The following TJP3 variants were observed in gnomAD, a reference collection of about 807,000 sequenced individuals.
TJP3 encodes tight junction protein ZO-3.
In TJP3, 85 loss-of-function variants were observed where a neutral mutation model predicts 104.2. The ratio of observed to expected loss-of-function variants is 0.82; its 90% CI spans 0.68 to 0.98. The LOEUF is 0.98. TJP3 is among the 50% of genes least tolerant of loss of function. TJP3 has a pLI of 0.00. For missense variants in TJP3, 1,367 were observed against 1,322.8 expected, an observed-to-expected ratio of 1.03 and a Z score of -0.52; for synonymous variants, 550 against 550.6, an observed-to-expected ratio of 1.00 and a Z score of 0.02.
chr19:3,730,455 T>A lies in TJP3; in HGVS notation c.362T>A (p.Val121Glu). Residue 121 changes from valine (V) to glutamate (E), a missense_variant, in exon 5 of 21, where the codon GTG becomes GAG. Transcript: ENST00000541714. The surrounding 1 kb of genome is among the most constrained non-coding windows in gnomAD (Gnocchi z 7.3). ...GATGAAGACGATGGGCCCCAGCGGG[T>A]GGAGGAGGTGGACCAGGGCCGGGGC... ...DSDEDDGPQR[V>E]EEVDQGRGYD... 6.3e-7 allele frequency: 1 copy of A among 1,584,476 alleles called. No homozygotes were observed. The highest frequency in any genetic ancestry group is 8.6e-7 in the Non-Finnish European group (1 of 1,166,192).
At chr19:3,717,164 C>A (rs1192449899) in intron 1 of TJP3, among the ~76,000 whole-genome samples, 2 of 146,242 alleles carry the variant, frequency 1.4e-5, no homozygotes, top group Non-Finnish European at 3.1e-5. Context: ...GAGGTTTCTC[C>A]ATGTTGGTCA....
At chr19:3,743,595 G>A in intron 14 of TJP3, 1 of 213,268 alleles carries the variant, frequency 4.7e-6, no homozygotes, top group South Asian at 1.1e-4. Context: ...TGGCCCTCAG[G>A]TTGTAGTCTG....
chr19:3,747,644 C>G, intron 18 of TJP3, 150 bp from the exon 19 acceptor site: 1 of 968,634 alleles, frequency 1.0e-6, no homozygotes, highest in Non-Finnish European at 1.5e-6. Flanking sequence ...TACAACCCAT[C>G]CTGGAGTCAA....
At position 3,748,041 on chromosome 19, in the gene TJP3, C is replaced by G; in HGVS notation, c.2570C>G (p.Pro857Arg). ...GTGCAGGCAGATGAGTCCCAGAGCC[C>G]GAGGGATCGTGGGAGAATCTCGGCT... The part of the protein sequence containing the change: ...EPVQADESQS[P>R]RDRGRISAHQ... The change falls in exon 19 of 21, where the codon CCG becomes CGG. Residue 857 changes from proline to arginine, a missense_variant. Physicochemically the swap from Pro to Arg is moderately radical, Grantham distance 103. Coordinates refer to ENST00000541714, the MANE Select transcript of TJP3 (RefSeq NM_001267560.2). 1 of 1,593,152 alleles carries G rather than the reference C, an allele frequency of 6.3e-7. No homozygotes were observed.
At chr19:3,748,209 T>C (rs2036933205) in intron 19 of TJP3, 128 bp downstream of exon 19, 6 of 1,247,600 alleles carry the variant, frequency 4.8e-6, no homozygotes, top group Non-Finnish European at 6.5e-6. Context: ...GTCAGACTGG[T>C]TTCTGGGACT....
In TJP3 at chr19:3,716,619, C is replaced by G. The variant is rs1355364612; in HGVS notation, c.-10+8058C>G. On this transcript the variant is annotated intron_variant, in intron 1 of 20. Transcript: ENST00000541714. ...GCCCCATTCACTGCTAGGACTTTAA[C>G]CCACTTATTTCTTTATTTATTTTTG... is the stretch of plus-strand genomic sequence containing the variant. Among the ~76,000 whole-genome samples the G allele has an allele frequency of 3.4e-5, 5 of 145,886 alleles. 1 individual carries two copies. The highest frequency in any genetic ancestry group is 6.1e-5 in the Non-Finnish European group (4 of 65,126).
At chr19:3,737,966 T>C (rs1322382408) in intron 11 of TJP3, among the ~76,000 whole-genome samples, 1 of 151,132 alleles carries the variant, frequency 6.6e-6, no homozygotes, top group Admixed American at 6.6e-5. Context: ...TGTATATTGC[T>C]GTCCATGTCA....
intron 18 of TJP3, among the ~76,000 whole-genome samples, chr19:3,747,135 G>A (rs1473421942): frequency 3.3e-5 from 5 of 151,972 alleles, no homozygotes; most frequent in African/African-American, 4.8e-5. Flanking sequence ...ATCTCAGCTT[G>A]CTGCAACCTC....
At chr19:3,734,862 G>A (rs2036718747) in intron 8 of TJP3, among the ~76,000 whole-genome samples, 1 of 152,184 alleles carries the variant, frequency 6.6e-6, no homozygotes, top group East Asian at 1.9e-4. Context: ...GCTGAGGCAG[G>A]AGAATCACTT....
In TJP3 at chr19:3,730,056, G is replaced by A. The variant is rs754775001; in HGVS notation, c.187G>A (p.Gly63Arg). 9.9e-6 allele frequency: 16 copies of A among 1,614,040 alleles called. No homozygotes were observed. In the South Asian group the frequency reaches 1.1e-4, roughly 11 times the overall value. ...QTGDHIVMVN[G>R]VSMENATSAF... ...AGGCGACCACATCGTCATGGTGAAC[G>A]GGGTTTCCATGGAGAATGCCACCTC... Residue 63 changes from glycine (G) to arginine (R), a missense_variant, in exon 4 of 21, where the codon GGG becomes AGG. Physicochemically the swap from Gly to Arg is moderately radical, Grantham distance 125. Coordinates refer to ENST00000541714, the MANE Select transcript of TJP3 (RefSeq NM_001267560.2). The surrounding 1 kb of genome is among the most constrained non-coding windows in gnomAD (Gnocchi z 7.3).
At chr19:3,745,193 T>C (rs1436672640) in intron 15 of TJP3, among the ~76,000 whole-genome samples, 1 of 130,746 alleles carries the variant, frequency 7.6e-6, no homozygotes, top group Non-Finnish European at 1.6e-5. Flanking sequence ...TTGCCCAGGC[T>C]GGAGTACAGT....
rs999443562 is a variant in TJP3 at position 3,738,690 on chromosome 19, C to G, written c.1393+27C>G. 2.5e-6 allele frequency: 4 copies of G among 1,592,948 alleles called. No individual in the cohort carries two copies. In the African/African-American group the frequency reaches 5.4e-5, roughly 21 times the overall value. On this transcript the variant is annotated intron_variant, in intron 12 of 20. Transcript: ENST00000541714. ...TGAGTGCGCGTGGATATGGGTGTGC[C>G]TGTGTGTTGCGGGGGGAGGACCTGG...
At position 3,746,914 on chromosome 19, in the gene TJP3, C is replaced by T; in HGVS notation, c.2322+38C>T. On this transcript the variant is annotated intron_variant, in intron 18 of 20. Transcript: ENST00000541714. The surrounding 1 kb of genome is among the most constrained non-coding windows in gnomAD (Gnocchi z 4.1). ...TGTGGGTGGGTCGGGCAGGGAGGCC[C>T]CACAGACGCTGTGCAGGCCCAGCTG... 1 of 1,547,332 alleles carries T rather than the reference C, an allele frequency of 6.5e-7. No homozygotes were observed. Among genetic ancestry groups the T allele is most frequent in the Non-Finnish European group, 8.8e-7 (1 of 1,139,432 alleles).
intron 19 of TJP3, among the ~76,000 whole-genome samples, chr19:3,748,401 A>G (rs2036936820): frequency 6.7e-6 from 1 of 149,302 alleles, no homozygotes; most frequent in Admixed American, 6.8e-5. Context: ...CCTCCTGAGT[A>G]GTTGGGATTA....
At chr19:3,737,797 C>G (rs563188778) in intron 11 of TJP3, among the ~76,000 whole-genome samples, 1 of 152,284 alleles carries the variant, frequency 6.6e-6, no homozygotes, top group South Asian at 2.1e-4. Context: ...ACTCATTTTG[C>G]TTGTGGGATT....
rs777157593 is a variant in TJP3 at position 3,734,483 on chromosome 19, G to T, written c.986+48G>T. On this transcript the variant is annotated intron_variant, in intron 8 of 20. Transcript: ENST00000541714. ...AATGGTGATAGGGAGGGAGAGGGAG[G>T]TGGGAGGGAGAGGGGAACGCGGGCG... is the stretch of plus-strand genomic sequence containing the variant. 5 of 1,532,574 alleles carry T rather than the reference G, an allele frequency of 3.3e-6. No homozygotes were observed. The South Asian group carries it at 6.1e-5, about 19-fold the overall frequency. The allele number at this position is 1,532,574 out of a possible 1,614,324, so 94.9% of individuals were successfully genotyped here.
chr19:3,738,701 G>C (rs373551480), intron 12 of TJP3, 38 bp downstream of exon 12: 86 of 1,568,612 alleles, frequency 5.5e-5, no homozygotes, highest in Non-Finnish European at 6.9e-5. Flanking sequence ...TGTGTGTTGC[G>C]GGGGGAGGAC....
rs2036489157 is a variant in TJP3 at position 3,717,372 on chromosome 19, T to A, written c.-10+8811T>A. The stretch of plus-strand genomic sequence containing the variant: ...GCCGCCTTGGCCATCCAAAGTGGGA[T>A]TACAGGCGTGAGCCACTGTGCCCAG... On this transcript the variant is annotated intron_variant, in intron 1 of 20. Transcript: ENST00000541714. 3.4e-5 allele frequency among the ~76,000 whole-genome samples: 5 copies of A among 147,830 alleles called. No individual in the cohort carries two copies. The Admixed American group carries it at 3.4e-4, about 10-fold the overall frequency.
intron 15 of TJP3, among the ~76,000 whole-genome samples, chr19:3,745,267 A>T (rs1048780662): frequency 6.8e-6 from 1 of 146,120 alleles, no homozygotes; most frequent in African/African-American, 2.5e-5. Context: ...TGCCTTAGCC[A>T]CCCTGGTAGC....
Sources: allele counts gnomAD v4.1 joint callset (sites outside exome capture counted in the v4.1 genomes callset), GRCh38; gene constraint gnomAD v4.1.1; non-coding constraint Gnocchi (gnomAD v3.1); transcripts MANE v1.5; gene names NCBI Gene and HGNC (gene_info 2026-07-23, HGNC 2026-07-21).